Variants in SNRNP200 observed in about 807,000 individuals in gnomAD.
SNRNP200 encodes U5 small nuclear ribonucleoprotein 200 kDa helicase.
SNRNP200 carries 66 observed loss-of-function variants against 255.2 expected under a neutral mutation model. The observed-to-expected ratio is 0.26, with a 90% CI of 0.21 to 0.32. The LOEUF (loss-of-function observed/expected upper bound fraction) is 0.32. Ranked by LOEUF, SNRNP200 falls within the 10% of genes least tolerant of loss-of-function variation. The pLI, the probability that SNRNP200 is intolerant of heterozygous loss-of-function variation, is 1.00. For synonymous variants in SNRNP200, 939 were observed against 1,027.8 expected (o/e 0.91, Z 1.65); for missense variants, 1,585 against 2,749.8 (o/e 0.58, Z 9.47).
intron 14 of SNRNP200, 34 bp downstream of exon 14, chr2:96,295,454 T>G (rs1419030403): frequency 6.2e-7 from 1 of 1,612,014 alleles, no homozygotes; most frequent in African/African-American, 1.3e-5. Context: ...CTGACACAAC[T>G]GGACTCTATA....
Position 96,290,520 on chromosome 2 carries a change from T to A in SNRNP200, c.2554-6A>T. The A allele has an allele frequency of 6.2e-7, 1 of 1,614,176 alleles. No individual in the cohort carries two copies. On this transcript the variant is annotated splice_region_variant and splice_polypyrimidine_tract_variant and intron_variant, in intron 19 of 44. Coordinates refer to ENST00000323853, the MANE Select transcript of SNRNP200 (RefSeq NM_014014.5). This position sits in a 1 kb window ranked among gnomAD's most constrained non-coding sequence, Gnocchi z 4.5. The stretch of plus-strand genomic sequence containing the variant: ...CTTCCGGCACGTCCCAGCATCTAGA[T>A]CAGAGACAGCGAACCAAGAATGCTA...
intron 3 of SNRNP200, among the ~76,000 whole-genome samples, chr2:96,302,389 T>C (rs1196250843): frequency 6.6e-6 from 1 of 152,220 alleles, no homozygotes; most frequent in East Asian, 1.9e-4. Context: ...ACCCTCTCCC[T>C]TTCTGACACA....
intron 12 of SNRNP200, 52 bp from the exon 13 acceptor site, chr2:96,296,743 G>A (rs2063919539): frequency 1.2e-6 from 2 of 1,601,244 alleles, no homozygotes; most frequent in Non-Finnish European, 8.6e-7. Flanking sequence ...TATTCTCACT[G>A]CCCTAACTTC....
chr2:96,293,894 T>C (rs570934145), intron 14 of SNRNP200, among the ~76,000 whole-genome samples: 1 of 152,304 alleles, frequency 6.6e-6, no homozygotes, highest in Admixed American at 6.5e-5. Flanking sequence ...AATGATGAGT[T>C]TGAATAGTCT....
In SNRNP200 at chr2:96,292,939, G is replaced by A. The variant is rs1195167599; in HGVS notation, c.2160+33C>T. The A allele has an allele frequency of 7.5e-6, 12 of 1,610,288 alleles. No individual in the cohort carries two copies. In the East Asian group the frequency reaches 8.9e-5, roughly 12 times the overall value. ...GGTGAATCAAACATTCGAAAGAATG[G>A]GGTTCAAGAGTAACCATAAACCACG... On this transcript the variant is annotated intron_variant, in intron 16 of 44. Coordinates refer to ENST00000323853, the MANE Select transcript of SNRNP200 (RefSeq NM_014014.5).
In SNRNP200 at chr2:96,301,685, T is replaced by C; in HGVS notation, c.413A>G (p.Glu138Gly). ...PRDILCGAADEVLAVLKNEKL... is the reference protein window; with the variant it reads ...PRDILCGAADGVLAVLKNEKL... ...TTCATTCTTTAGAACAGCTAGAACT[T>C]CATCAGCTGCCCCACAAAGGATATC... Residue 138 changes from glutamate to glycine, a missense_variant, in exon 4 of 45, where the codon GAA (glutamate) becomes GGA (glycine). Coordinates refer to ENST00000323853, the MANE Select transcript of SNRNP200 (RefSeq NM_014014.5). The C allele has an allele frequency of 6.2e-7, 1 of 1,614,186 alleles. No individual in the cohort carries two copies. The highest frequency in any genetic ancestry group is 8.5e-7 in the Non-Finnish European group (1 of 1,180,034).
intron 2 of SNRNP200, among the ~76,000 whole-genome samples, chr2:96,303,857 C>T (rs1286601640): frequency 1.3e-5 from 2 of 150,520 alleles, no homozygotes; most frequent in African/African-American, 4.9e-5. Flanking sequence ...CCACTGCACT[C>T]CAGCCTGGGT....
intron 31 of SNRNP200, 172 bp from the exon 32 acceptor site, chr2:96,284,176 C>A (rs2063826318): frequency 2.4e-6 from 2 of 849,258 alleles, no homozygotes; most frequent in Non-Finnish European, 3.9e-6. Flanking sequence ...CTCCACTAAA[C>A]AATACTGTTT....
At chr2:96,275,768 C>T (rs971786437) in intron 43 of SNRNP200, among the ~76,000 whole-genome samples, 9 of 152,234 alleles carry the variant, frequency 5.9e-5, no homozygotes, top group African/African-American at 9.6e-5. Flanking sequence ...TTTGGGAGGC[C>T]GAGGCGGGTG....
At position 96,295,560 on chromosome 2, in the gene SNRNP200, G is replaced by C; in HGVS notation, c.1770C>G (p.Pro590=). 1 of 1,613,894 alleles carries C rather than the reference G, an allele frequency of 6.2e-7. No individual in the cohort carries two copies. The highest frequency in any genetic ancestry group is 8.5e-7 in the Non-Finnish European group (1 of 1,180,004). The change falls in exon 14 of 45, where the codon CCC becomes CCG. Residue 590 remains proline, a synonymous_variant. Transcript: ENST00000323853. ...ISATQIIVCT[P]EKWDIITRKG... ...TGCGGGTGATGATGTCCCACTTCTCGGGGGTGCAGACGATGATCTGAGTGG... is the reference window on the plus strand; with the variant it reads ...TGCGGGTGATGATGTCCCACTTCTCCGGGGTGCAGACGATGATCTGAGTGG...
chr2:96,296,653 G>A lies in SNRNP200; in HGVS notation c.1554C>T (p.Leu518=), dbSNP rs189141233. ...TGTTTATGTGTTTCCCAATCTCTCG[G>A]AGCATGCACATCAGGGCCACGTTGG... ...GKTNVALMCM[L]REIGKHINMD... is the part of the protein sequence containing the mutation. Residue 518 remains leucine (L), a synonymous_variant, in exon 13 of 45, where the codon CTC becomes CTT. Transcript: ENST00000323853. 1.9e-6 allele frequency: 3 copies of A among 1,614,102 alleles called. No individual in the cohort carries two copies. Among genetic ancestry groups the A allele is most frequent in the Non-Finnish European group, 2.5e-6 (3 of 1,180,022 alleles).
In SNRNP200 at chr2:96,303,189, G is replaced by C. The variant is rs533123827; in HGVS notation, c.351C>G (p.Leu117=). The C allele has an allele frequency of 3.7e-6, 6 of 1,614,180 alleles. No homozygotes were observed. The African/African-American group carries it at 6.7e-5, about 18-fold the overall frequency. ...KETRETYEVL[L]SFIQAALGDQ... is the part of the protein sequence containing the mutation. ...CCCCAAGAGCAGCCTGGATGAAGCTGAGTAGCACCTCATAGGTCTCCCGAG... is the reference window on the plus strand; with the variant it reads ...CCCCAAGAGCAGCCTGGATGAAGCTCAGTAGCACCTCATAGGTCTCCCGAG... Residue 117 remains leucine, a synonymous_variant, in exon 3 of 45, where the codon CTC becomes CTG. Coordinates refer to ENST00000323853, the MANE Select transcript of SNRNP200 (RefSeq NM_014014.5).
At position 96,283,683 on chromosome 2, in the gene SNRNP200, G is replaced by C; in HGVS notation, c.4615C>G (p.Leu1539Val). 6.2e-7 allele frequency: 1 copy of C among 1,614,144 alleles called. No homozygotes were observed. The highest frequency in any genetic ancestry group is 1.1e-5 in the South Asian group (1 of 91,084). Reference protein sequence around the residue: ...GFNISHTQTRLLSMAKPVYHA... With the variant: ...GFNISHTQTRVLSMAKPVYHA... ...TACACAGGCTTGGCCATGGAGAGCA[G>C]GCGGGTTTGTGTATGGCTGATGTTG... Residue 1539 changes from leucine (L) to valine (V), a missense_variant, in exon 33 of 45, where the codon CTG becomes GTG. Physicochemically the swap from Leu to Val is conservative, Grantham distance 32. Coordinates refer to ENST00000323853, the MANE Select transcript of SNRNP200 (RefSeq NM_014014.5). This position sits in a 1 kb window ranked among gnomAD's most constrained non-coding sequence, Gnocchi z 4.7.
At chr2:96,301,465 C>G (rs554334970) in intron 4 of SNRNP200, 59 bp downstream of exon 4, 1 of 1,512,796 alleles carries the variant, frequency 6.6e-7, no homozygotes, top group Admixed American at 1.7e-5. Context: ...CTAGAAGATG[C>G]ATGTTTAGGG....
rs1439544231 is a variant in SNRNP200 at position 96,305,544 on chromosome 2, A to T, written c.-107T>A. 6.8e-7 allele frequency: 1 copy of T among 1,477,916 alleles called. No individual in the cohort carries two copies. Among genetic ancestry groups the T allele is most frequent in the Admixed American group, 1.7e-5 (1 of 57,998 alleles). The allele number at this position is 1,477,916 out of a possible 1,614,324, so 91.6% of individuals were successfully genotyped here. A position where few individuals can be genotyped will look rare whatever the true frequency, so the allele number is the denominator to read the frequency against. ...CGCCGGAACGACGCAGGAAAGACGCACTGGGGAAGGAAAAGAAACGGGTTC... is the reference window on the plus strand; with the variant it reads ...CGCCGGAACGACGCAGGAAAGACGCTCTGGGGAAGGAAAAGAAACGGGTTC... On this transcript the variant is annotated 5_prime_UTR_variant, in exon 1 of 45. Coordinates refer to ENST00000323853, the MANE Select transcript of SNRNP200 (RefSeq NM_014014.5).
chr2:96,304,888 A>G lies in SNRNP200; in HGVS notation c.46-20T>C. 6.2e-7 allele frequency: 1 copy of G among 1,612,274 alleles called. No individual in the cohort carries two copies. The highest frequency in any genetic ancestry group is 8.5e-7 in the Non-Finnish European group (1 of 1,179,108). On this transcript the variant is annotated intron_variant, in intron 1 of 44. Coordinates refer to ENST00000323853, the MANE Select transcript of SNRNP200 (RefSeq NM_014014.5). ...CGAGTTCTGAAAAGATCAAAACATT[A>G]TTGAAGCTTTGACATGAGCAGGGCC...
Position 96,289,047 on chromosome 2 carries a change from G to C in SNRNP200, c.3164C>G (p.Pro1055Arg). ...AGGAGAGGAGCTCACCTTAGCACTGGGTTCCTCAATGCTCTCCTTTACAGG... is the reference window on the plus strand; with the variant it reads ...AGGAGAGGAGCTCACCTTAGCACTGCGTTCCTCAATGCTCTCCTTTACAGG... The part of the protein sequence containing the change: ...PIPVKESIEE[P>R]SAKINVLLQA... Residue 1055 changes from proline to arginine, a missense_variant, in exon 23 of 45, where the codon CCC (proline) becomes CGC (arginine). Physicochemically the swap from Pro to Arg is moderately radical, Grantham distance 103. Transcript: ENST00000323853. 6.2e-7 allele frequency: 1 copy of C among 1,611,070 alleles called. No individual in the cohort carries two copies. The highest frequency in any genetic ancestry group is 8.5e-7 in the Non-Finnish European group (1 of 1,178,334).
At position 96,291,920 on chromosome 2, in the gene SNRNP200, T is replaced by TAA; in HGVS notation, c.2161-21_2161-20insTT. On this transcript the variant is annotated intron_variant, in intron 16 of 44. Transcript: ENST00000323853. The surrounding 1 kb of genome is among the most constrained non-coding windows in gnomAD (Gnocchi z 4.2). ...CAGCACCTAAGGAGAAGCCACAGTTTGCTACAGTCACGAGATACTCACAGC... is the reference window on the plus strand; with the variant it reads ...CAGCACCTAAGGAGAAGCCACAGTTTAAGCTACAGTCACGAGATACTCACAGC... 6.2e-7 allele frequency: 1 copy of TAA among 1,613,188 alleles called. No individual in the cohort carries two copies.
At position 96,278,871 on chromosome 2, in the gene SNRNP200, T is replaced by G; in HGVS notation, c.5261A>C (p.Tyr1754Ser). Residue 1754 changes from tyrosine (Y) to serine (S), a missense_variant, in exon 37 of 45, where the codon TAC becomes TCC. Coordinates refer to ENST00000323853, the MANE Select transcript of SNRNP200 (RefSeq NM_014014.5). The surrounding 1 kb of genome is among the most constrained non-coding windows in gnomAD (Gnocchi z 6.9). ...TIENKQDAVD[Y>S]LTWTFLYRRM... is the part of the protein sequence containing the mutation. ...GCGGTACAGAAAGGTCCAGGTGAGG[T>G]AGTCCACAGCATCCTGCTTGTTCTC... 6.2e-7 allele frequency: 1 copy of G among 1,614,116 alleles called. No homozygotes were observed. Among genetic ancestry groups the G allele is most frequent in the South Asian group, 1.1e-5 (1 of 91,076 alleles).
Sources: gnomAD v4.1 joint callset for allele counts (sites outside exome capture counted in the v4.1 genomes callset) on GRCh38, gnomAD v4.1.1 for gene constraint, Gnocchi (gnomAD v3.1) non-coding constraint, MANE v1.5 for transcripts, NCBI Gene and HGNC (gene_info 2026-07-23, HGNC 2026-07-21) for gene names.